HPSE2: variants seen among roughly 807,000 people sequenced by gnomAD.
HPSE2 encodes heparanase 2 (inactive), also known as inactive heparanase-2.
HPSE2 carries 38 observed loss-of-function variants against 60.5 expected under a neutral mutation model. The ratio of observed to expected loss-of-function variants is 0.63; its 90% CI spans 0.48 to 0.82. HPSE2 has a LOEUF of 0.82. HPSE2 is among the 40% of genes least tolerant of loss of function. The pLI is 0.00. For synonymous variants in HPSE2, 295 were observed against 293.2 expected (o/e 1.01, Z -0.06); for missense variants, 713 against 740.4 (o/e 0.96, Z 0.43).
At chr10:98,824,335 T>G (rs1328016905) in intron 3 of HPSE2, among the ~76,000 whole-genome samples, 7 of 152,218 alleles carry the variant, frequency 4.6e-5, no homozygotes. Flanking sequence ...GTGTTCACTG[T>G]GTGTTCACTA....
intron 9 of HPSE2, among the ~76,000 whole-genome samples, chr10:98,504,501 A>G (rs142139899): frequency 0.013 from 1,939 of 152,240 alleles, 23 homozygotes; most frequent in Non-Finnish European, 0.019. Flanking sequence ...AGCTACTGTA[A>G]TAGGGCCAGG....
At chr10:98,717,439 T>C (rs1233780209) in intron 5 of HPSE2, among the ~76,000 whole-genome samples, 1 of 152,168 alleles carries the variant, frequency 6.6e-6, no homozygotes, top group East Asian at 1.9e-4. Context: ...GCTTTCAACA[T>C]GCCTTCCTCA....
At chr10:99,195,336 G>A (rs55674365) in intron 2 of HPSE2, among the ~76,000 whole-genome samples, 6 of 151,760 alleles carry the variant, frequency 4.0e-5, no homozygotes, top group East Asian at 3.9e-4. Context: ...CCACTGCTAC[G>A]CAGCATAGTA....
At chr10:99,017,849 C>T (rs749915682) in intron 3 of HPSE2, among the ~76,000 whole-genome samples, 10 of 152,172 alleles carry the variant, frequency 6.6e-5, no homozygotes, top group Non-Finnish European at 1.5e-4. Flanking sequence ...TTTTTGAACA[C>T]CTACTTCATG....
intron 9 of HPSE2, among the ~76,000 whole-genome samples, chr10:98,581,501 TA>T (rs779342439): frequency 1.9e-4 from 29 of 152,182 alleles, no homozygotes; most frequent in Admixed American, 3.3e-4. Flanking sequence ...ATAATATATA[TA>T]TTTTTACTAT....
At chr10:99,206,779 CA>C (rs2133898065) in intron 2 of HPSE2, among the ~76,000 whole-genome samples, 1 of 151,210 alleles carries the variant, frequency 6.6e-6, no homozygotes, top group Admixed American at 6.6e-5. Flanking sequence ...CTGAAAAATG[CA>C]ATAGAGAGCC....
chr10:98,921,277 A>T (rs1297316471), intron 3 of HPSE2, among the ~76,000 whole-genome samples: 2 of 152,192 alleles, frequency 1.3e-5, no homozygotes, highest in African/African-American at 2.4e-5. Context: ...CATTGTTGTT[A>T]GTGGAAGCAT....
At chr10:99,124,183 C>T (rs1790762499) in intron 3 of HPSE2, among the ~76,000 whole-genome samples, 1 of 152,164 alleles carries the variant, frequency 6.6e-6, no homozygotes, top group African/African-American at 2.4e-5. Context: ...TACCTGCAGG[C>T]AGGTCATCCT....
At chr10:98,611,350 C>T (rs1053941676) in intron 9 of HPSE2, among the ~76,000 whole-genome samples, 3 of 152,214 alleles carry the variant, frequency 2.0e-5, no homozygotes, top group African/African-American at 7.2e-5. Flanking sequence ...GCTAGAATGC[C>T]ACAAACTGGG....
the HPSE2 span, among the ~76,000 whole-genome samples, chr10:99,249,930 T>C: frequency 6.6e-6 from 1 of 151,996 alleles, no homozygotes; most frequent in Non-Finnish European, 1.5e-5. Context: ...GATCATGAGG[T>C]CAGGAGTTCG....
At chr10:98,890,354 C>T (rs1049322404) in intron 3 of HPSE2, among the ~76,000 whole-genome samples, 1 of 151,430 alleles carries the variant, frequency 6.6e-6, no homozygotes, top group Non-Finnish European at 1.5e-5. Context: ...GGTAGTAAAC[C>T]TGATAGAGAA....
At chr10:98,980,417 A>C (rs1956179736) in intron 3 of HPSE2, among the ~76,000 whole-genome samples, 1 of 152,214 alleles carries the variant, frequency 6.6e-6, no homozygotes, top group Middle Eastern at 3.2e-3. Context: ...TTCATGAATC[A>C]GGCAGCCTGA....
intron 6 of HPSE2, among the ~76,000 whole-genome samples, chr10:98,658,380 T>A (rs1351069481): frequency 6.6e-6 from 1 of 152,232 alleles, no homozygotes; most frequent in Non-Finnish European, 1.5e-5. Flanking sequence ...AATTTTCACA[T>A]CACAAGGTGT....
rs1476219133 is a variant in HPSE2 at position 98,574,599 on chromosome 10, C to G, written c.1320+40305G>C. On this transcript the variant is annotated intron_variant, in intron 9 of 11. Coordinates refer to ENST00000370552, the MANE Select transcript of HPSE2 (RefSeq NM_021828.5). ...AACCACTCTGATCCCACAGACCCAT[C>G]CAGTCTACCCAATATGCAGAAAAAC... 2.0e-5 allele frequency among the ~76,000 whole-genome samples: 3 copies of G among 152,214 alleles called. No individual in the cohort carries two copies. The South Asian group carries it at 6.3e-4, about 32-fold the overall frequency.
At chr10:99,144,471 T>C in intron 2 of HPSE2, 72 bp from the exon 3 acceptor site, 1 of 1,552,652 alleles carries the variant, frequency 6.4e-7, no homozygotes. Context: ...CATCAAAGTC[T>C]TGTTTCACCC....
At chr10:99,102,550 G>T (rs1354925123) in intron 3 of HPSE2, among the ~76,000 whole-genome samples, 1 of 152,028 alleles carries the variant, frequency 6.6e-6, no homozygotes, top group Non-Finnish European at 1.5e-5. Context: ...TTCTACCAGC[G>T]GTACAAGGAG....
intron 5 of HPSE2, among the ~76,000 whole-genome samples, chr10:98,698,866 T>C (rs1249651785): frequency 1.3e-5 from 2 of 152,230 alleles, no homozygotes; most frequent in African/African-American, 4.8e-5. Context: ...CAAACACCTC[T>C]ACACAAATAA....
At chr10:98,956,160 T>C (rs1406500379) in intron 3 of HPSE2, among the ~76,000 whole-genome samples, 7 of 152,130 alleles carry the variant, frequency 4.6e-5, no homozygotes, top group Admixed American at 4.6e-4. Flanking sequence ...GAGTACCTAT[T>C]AGACATTGTT....
chr10:98,803,792 C>T (rs1181797148), intron 3 of HPSE2, among the ~76,000 whole-genome samples: 1 of 151,204 alleles, frequency 6.6e-6, no homozygotes, highest in Non-Finnish European at 1.5e-5. Flanking sequence ...TTAGGATTGA[C>T]TTGGCGATGC....
Sources: gnomAD v4.1 joint callset for allele counts (sites outside exome capture counted in the v4.1 genomes callset) on GRCh38, gnomAD v4.1.1 for gene constraint, MANE v1.5 for transcripts, NCBI Gene and HGNC (gene_info 2026-07-23, HGNC 2026-07-21) for gene names.